The following USP27X variants were observed in gnomAD, a reference collection of about 807,000 sequenced individuals.
The protein encoded by USP27X is ubiquitin specific peptidase 27 X-linked, also known as ubiquitin carboxyl-terminal hydrolase 27.
For synonymous variants in USP27X, 109 were observed against 141.5 expected (o/e 0.77, Z 1.63); for missense variants, 161 against 341.0 (o/e 0.47, Z 4.16).
Position 49,880,016 on chromosome X carries a change from C to G in USP27X, c.-292C>G, listed in dbSNP as rs1224071543. On this transcript the variant is annotated 5_prime_UTR_variant, in exon 1 of 1. Coordinates refer to ENST00000621775, the MANE Select transcript of USP27X (RefSeq NM_001145073.3). ...GCGGATGCCTGGATGTGGATTTTGC[C>G]GTGGGGCCACCAGGCTGTTCTCACG... 1 of 188,423 alleles carries G rather than the reference C, an allele frequency of 5.3e-6. No individual in the cohort carries two copies. Among genetic ancestry groups the G allele is most frequent in the South Asian group, 2.4e-4 (1 of 4,234 alleles). The allele number at this position is 188,423 out of a possible 1,213,427, so 15.5% of individuals were successfully genotyped here. A position where few individuals can be genotyped will look rare whatever the true frequency, so the allele number is the denominator to read the frequency against.
At position 49,882,206 on chromosome X, in the gene USP27X, C is replaced by G. The variant is rs782774299; in HGVS notation, c.*582C>G. On this transcript the variant is annotated 3_prime_UTR_variant, in exon 1 of 1. Transcript: ENST00000621775. ...CAGTATTAAAACAAGAAAAGCCCAC[C>G]TGGGCTAGTGAAAGGAGAGGAAATA... 3.5e-4 allele frequency: 42 copies of G among 121,164 alleles called. No individual in the cohort carries two copies. The highest frequency in any genetic ancestry group is 1.3e-3 in the African/African-American group (40 of 30,151). 10.0% of individuals were successfully genotyped at this position (121,164 alleles called of 1,213,427 possible).
Position 49,881,649 on chromosome X carries a change from T to C in USP27X, c.*25T>C. Reference sequence around the variant, plus strand: ...AAGTGACACACAGACCTACCTGCAATGGAAGATGACGACACCAATACTACA... The same window carrying C: ...AAGTGACACACAGACCTACCTGCAACGGAAGATGACGACACCAATACTACA... On this transcript the variant is annotated 3_prime_UTR_variant, in exon 1 of 1. Transcript: ENST00000621775. 3 of 1,099,446 alleles carry C rather than the reference T, an allele frequency of 2.7e-6. No homozygotes were observed. The highest frequency in any genetic ancestry group is 3.6e-6 in the Non-Finnish European group (3 of 824,691). The allele number at this position is 1,099,446 out of a possible 1,213,427, so 90.6% of individuals were successfully genotyped here.
chrX:49,880,812 C>T lies in USP27X; in HGVS notation c.505C>T (p.Leu169Phe). 1 of 1,189,229 alleles carries T rather than the reference C, an allele frequency of 8.4e-7. No homozygotes were observed. The highest frequency in any genetic ancestry group is 1.1e-6 in the Non-Finnish European group (1 of 883,592). Residue 169 changes from leucine to phenylalanine, a missense_variant, in exon 1 of 1, where the codon CTC becomes TTC. Leu to Phe is a conservative substitution (Grantham distance 22). Coordinates refer to ENST00000621775, the MANE Select transcript of USP27X (RefSeq NM_001145073.3). ...CAGGCAACAGGATGCCCACGAGTTC[C>T]TCATTGCAGCGTTAGATGTCCTGCA... ...GYRQQDAHEF[L>F]IAALDVLHRH...
rs1446065804 is a variant in USP27X, at chrX:49,879,497, A to G, written c.-811A>G. Among the ~76,000 whole-genome samples the G allele has an allele frequency of 2.7e-5, 3 of 110,942 alleles. No homozygotes were observed. Among genetic ancestry groups the G allele is most frequent in the Non-Finnish European group, 5.7e-5 (3 of 52,643 alleles). ...GCGAGCAGGGGGAGGAGCCGCCGCC[A>G]GTGGAGGCGGAGGAGGTAGAGGAGG... On this transcript the variant is annotated 5_prime_UTR_variant, in exon 1 of 1. Transcript: ENST00000621775.
rs1350940715 is a variant in USP27X, at chrX:49,881,947, G to C, written c.*323G>C. ...GGAAAGTGTGGGGGGGAGGGGGGTG[G>C]TGGGGGGGGAGTGTGCCCTTGTAAC... On this transcript the variant is annotated 3_prime_UTR_variant, in exon 1 of 1. Coordinates refer to ENST00000621775, the MANE Select transcript of USP27X (RefSeq NM_001145073.3). 2 of 139,430 alleles carry C rather than the reference G, an allele frequency of 1.4e-5. No individual in the cohort carries two copies. The highest frequency in any genetic ancestry group is 1.0e-4 in the Admixed American group (1 of 9,626). The allele number at this position is 139,430 out of a possible 1,213,427, so 11.5% of individuals were successfully genotyped here.
rs1317236831 is a variant in USP27X, at chrX:49,879,529, C to CGGCGGAGAA, written c.-770_-762dup. On this transcript the variant is annotated 5_prime_UTR_variant, in exon 1 of 1. Coordinates refer to ENST00000621775, the MANE Select transcript of USP27X (RefSeq NM_001145073.3). ...GCGGAGGAGGTAGAGGAGGCGGAGACGGCGGAGAAGGCGGAGAGGAAGGTG... is the reference window on the plus strand; with the variant it reads ...GCGGAGGAGGTAGAGGAGGCGGAGACGGCGGAGAAGGCGGAGAAGGCGGAGAGGAAGGTG... Among the ~76,000 whole-genome samples the CGGCGGAGAA allele has an allele frequency of 1.8e-5, 2 of 110,187 alleles. No homozygotes were observed. The highest frequency in any genetic ancestry group is 3.8e-5 in the Non-Finnish European group (2 of 52,462).
rs1557162779 is a variant in USP27X, at chrX:49,881,587, C to T, written c.1280C>T (p.Ser427Leu). ...CACAAACAGGTGCTAGAACATGAGT[C>T]AGAAAAAGTGAAAGAAATGAACACA... ...FYHKQVLEHE[S>L]EKVKEMNTQA... The change falls in exon 1 of 1, where the codon TCA becomes TTA. Residue 427 changes from serine to leucine, a missense_variant. By Grantham distance (145) the Ser-to-Leu change is moderately radical (BLOSUM62 -2). Transcript: ENST00000621775. 8.5e-7 allele frequency: 1 copy of T among 1,173,614 alleles called. No homozygotes were observed. Among genetic ancestry groups the T allele is most frequent in the East Asian group, 3.1e-5 (1 of 32,087 alleles).
Position 49,881,836 on chromosome X carries a change from T to A in USP27X, c.*212T>A. 2.7e-6 allele frequency: 1 copy of A among 371,619 alleles called. No individual in the cohort carries two copies. The allele number at this position is 371,619 out of a possible 1,213,427, so 30.6% of individuals were successfully genotyped here. A position where few individuals can be genotyped will look rare whatever the true frequency, so the allele number is the denominator to read the frequency against. On this transcript the variant is annotated 3_prime_UTR_variant, in exon 1 of 1. Transcript: ENST00000621775. ...AGCAGTTGATGAAAGGGAAATTAAA[T>A]GGTAGAAACACTCTGGGTGAGGAAG...
chrX:49,880,911 A>C lies in USP27X; in HGVS notation c.604A>C (p.Ile202Leu). ...CCACTGTAACTGCATCATAGACCAA[A>C]TCTTCACAGGTGGCCTGCAGTCTGA... ...PNHCNCIIDQ[I>L]FTGGLQSDVT... The change falls in exon 1 of 1, where the codon ATC (isoleucine) becomes CTC (leucine). Residue 202 changes from isoleucine to leucine, a missense_variant. Transcript: ENST00000621775. 1 of 1,210,211 alleles carries C rather than the reference A, an allele frequency of 8.3e-7. No individual in the cohort carries two copies. Among genetic ancestry groups the C allele is most frequent in the Non-Finnish European group, 1.1e-6 (1 of 894,802 alleles).
rs1238237466 is a variant in USP27X, at chrX:49,880,604, G to A, written c.297G>A (p.Thr99=). 3 of 1,168,194 alleles carry A rather than the reference G, an allele frequency of 2.6e-6. No homozygotes were observed. Among genetic ancestry groups the A allele is most frequent in the East Asian group, 6.5e-5 (2 of 30,794 alleles). ...MNCIVQALTH[T]PILRDFFLSD... is the part of the protein sequence containing the mutation. ...GCATTGTCCAGGCCCTCACCCACAC[G>A]CCGATACTGAGAGATTTCTTTCTCT... The change falls in exon 1 of 1, where the codon ACG becomes ACA. Residue 99 remains threonine, a synonymous_variant. Coordinates refer to ENST00000621775, the MANE Select transcript of USP27X (RefSeq NM_001145073.3).
rs1163444405 is a variant in USP27X at position 49,879,553 on chromosome X, T to G, written c.-755T>G. 2.1e-5 allele frequency among the ~76,000 whole-genome samples: 2 copies of G among 97,255 alleles called. No individual in the cohort carries two copies. The highest frequency in any genetic ancestry group is 3.8e-5 in the African/African-American group (1 of 26,072). 84.5% of individuals were successfully genotyped at this position (97,255 alleles called of 115,157 possible). A position where few individuals can be genotyped will look rare whatever the true frequency, so the allele number is the denominator to read the frequency against. ...ACGGCGGAGAAGGCGGAGAGGAAGG[T>G]GGAGGCGGAGGCGAAGGTGGAGGGG... is the stretch of plus-strand genomic sequence containing the variant. On this transcript the variant is annotated 5_prime_UTR_variant, in exon 1 of 1. Coordinates refer to ENST00000621775, the MANE Select transcript of USP27X (RefSeq NM_001145073.3).
Position 49,880,862 on chromosome X carries a change from C to T in USP27X, c.555C>T (p.Val185=), listed in dbSNP as rs782813722. Reference sequence around the variant, plus strand: ...ACAGGCACTGCAAAGGTGATGATGTCGGGAAGGCGGCCAACAATCCCAACC... The same window carrying T: ...ACAGGCACTGCAAAGGTGATGATGTTGGGAAGGCGGCCAACAATCCCAACC... ...VLHRHCKGDD[V]GKAANNPNHC... is the part of the protein sequence containing the mutation. The change falls in exon 1 of 1, where the codon GTC becomes GTT. Residue 185 remains valine, a synonymous_variant. Transcript: ENST00000621775. The T allele has an allele frequency of 9.9e-6, 12 of 1,207,965 alleles. No homozygotes were observed. Among genetic ancestry groups the T allele is most frequent in the East Asian group, 3.0e-5 (1 of 33,800 alleles).
Position 49,882,344 on chromosome X carries a change from TAAAAAAAA to T in USP27X, c.*732_*739del, listed in dbSNP as rs879965589. On this transcript the variant is annotated 3_prime_UTR_variant, in exon 1 of 1. Transcript: ENST00000621775. ...AGCTAAGAGTATAGTGTGTGTGTGT[TAAAAAAAA>T]AAAAAAAAAAAGAAAAAAAAAAGCT... The T allele has an allele frequency of 1.1e-4, 8 of 71,824 alleles. No individual in the cohort carries two copies. The highest frequency in any genetic ancestry group is 3.8e-4 in the African/African-American group (6 of 15,973). The allele number at this position is 71,824 out of a possible 1,213,427, so 5.9% of individuals were successfully genotyped here. A position where few individuals can be genotyped will look rare whatever the true frequency, so the allele number is the denominator to read the frequency against.
Position 49,880,178 on chromosome X carries a change from G to T in USP27X, c.-130G>T. The T allele has an allele frequency of 1.8e-6, 1 of 560,161 alleles. No individual in the cohort carries two copies. The highest frequency in any genetic ancestry group is 3.3e-5 in the South Asian group (1 of 30,164). 46.2% of individuals were successfully genotyped at this position (560,161 alleles called of 1,213,427 possible). A position where few individuals can be genotyped will look rare whatever the true frequency, so the allele number is the denominator to read the frequency against. On this transcript the variant is annotated 5_prime_UTR_variant, in exon 1 of 1. An upstream open reading frame in the 5' UTR loses its in-frame stop. Transcript: ENST00000621775. ...TCTGCCATGTGTGTGGCACCCATCT[G>T]AACAGACTCCACTCTTGCCTTTCCT...
Position 49,880,390 on chromosome X carries a change from C to T in USP27X, c.83C>T (p.Ser28Phe). The T allele has an allele frequency of 8.6e-7, 1 of 1,167,562 alleles. No homozygotes were observed. The highest frequency in any genetic ancestry group is 1.1e-6 in the Non-Finnish European group (1 of 872,733). ...GGAGAAGCTTTGAAATTACAAGCCT[C>T]CACCTCAACAGAGGTTTCTCACCAG... ...EQGEALKLQA[S>F]TSTEVSHQQC... The change falls in exon 1 of 1, where the codon TCC (serine) becomes TTC (phenylalanine). Residue 28 changes from serine (S) to phenylalanine (F), a missense_variant. Physicochemically the swap from Ser to Phe is radical, Grantham distance 155 (BLOSUM62 -2). Coordinates refer to ENST00000621775, the MANE Select transcript of USP27X (RefSeq NM_001145073.3).
chrX:49,881,846 A>C lies in USP27X; in HGVS notation c.*222A>C. On this transcript the variant is annotated 3_prime_UTR_variant, in exon 1 of 1. Transcript: ENST00000621775. ...GAAAGGGAAATTAAATGGTAGAAAC[A>C]CTCTGGGTGAGGAAGGCAGGAGCAG... 2 of 298,709 alleles carry C rather than the reference A, an allele frequency of 6.7e-6. No homozygotes were observed. The highest frequency in any genetic ancestry group is 5.8e-5 in the East Asian group (1 of 17,358). 24.6% of individuals were successfully genotyped at this position (298,709 alleles called of 1,213,427 possible).
rs1601931897 is a variant in USP27X at position 49,880,086 on chromosome X, G to T, written c.-222G>T. On this transcript the variant is annotated 5_prime_UTR_variant, in exon 1 of 1. Coordinates refer to ENST00000621775, the MANE Select transcript of USP27X (RefSeq NM_001145073.3). ...AGAGAACTGGAGGCAGGAACTGCGG[G>T]TTATCTACCAGTGCTTCGTGTGGTG... The T allele has an allele frequency of 2.8e-6, 1 of 359,041 alleles. No homozygotes were observed. Among genetic ancestry groups the T allele is most frequent in the East Asian group, 4.2e-5 (1 of 23,742 alleles). 29.6% of individuals were successfully genotyped at this position (359,041 alleles called of 1,213,427 possible). A position where few individuals can be genotyped will look rare whatever the true frequency, so the allele number is the denominator to read the frequency against.
rs1924333083 is a variant in USP27X at position 49,879,541 on chromosome X, C to T, written c.-767C>T. 9.1e-6 allele frequency among the ~76,000 whole-genome samples: 1 copy of T among 109,756 alleles called. No individual in the cohort carries two copies. Among genetic ancestry groups the T allele is most frequent in the Non-Finnish European group, 1.9e-5 (1 of 52,311 alleles). ...GAGGAGGCGGAGACGGCGGAGAAGG[C>T]GGAGAGGAAGGTGGAGGCGGAGGCG... On this transcript the variant is annotated 5_prime_UTR_variant, in exon 1 of 1. Transcript: ENST00000621775.
At position 49,879,571 on chromosome X, in the gene USP27X, T is replaced by C. The variant is rs1220238782; in HGVS notation, c.-737T>C. Among the ~76,000 whole-genome samples the C allele has an allele frequency of 2.1e-5, 2 of 93,646 alleles. No homozygotes were observed. The highest frequency in any genetic ancestry group is 1.3e-4 in the Admixed American group (1 of 7,825). 81.3% of individuals were successfully genotyped at this position (93,646 alleles called of 115,157 possible). A position where few individuals can be genotyped will look rare whatever the true frequency, so the allele number is the denominator to read the frequency against. ...AGGAAGGTGGAGGCGGAGGCGAAGG[T>C]GGAGGGGAAGGCGGAGGCGGCGGGG... On this transcript the variant is annotated 5_prime_UTR_variant, in exon 1 of 1. Coordinates refer to ENST00000621775, the MANE Select transcript of USP27X (RefSeq NM_001145073.3).
Sources: allele counts gnomAD v4.1 joint callset (sites outside exome capture counted in the v4.1 genomes callset), GRCh38; gene constraint gnomAD v4.1.1; transcripts MANE v1.5; gene names NCBI Gene and HGNC (gene_info 2026-07-23, HGNC 2026-07-21).